Variants in CYGB observed in about 807,000 individuals in gnomAD.
CYGB encodes cytoglobin, also known as histoglobin.
A neutral mutation model predicts 20.7 loss-of-function variants in CYGB; 13 were observed. The observed-to-expected ratio is 0.63, with a 90% confidence interval of 0.41 to 1.00. The LOEUF (loss-of-function observed/expected upper bound fraction) is 1.00, where lower values mean the gene tolerates loss of function less well. CYGB is among the 50% of genes least tolerant of loss of function. The pLI is 0.00. For synonymous variants in CYGB, 93 were observed against 107.4 expected, an observed-to-expected ratio of 0.87 and a Z score of 0.83; for missense variants, 218 against 257.2, an observed-to-expected ratio of 0.85 and a Z score of 1.04.
chr17:76,529,597 T>C, intron 3 of CYGB: 1 of 985,056 alleles, frequency 1.0e-6, no homozygotes, highest in Non-Finnish European at 1.2e-6. Flanking sequence ...TCTTGTGTCC[T>C]GGCTGTAAAC....
At chr17:76,529,969 A>G (rs2074815350) in intron 3 of CYGB, 1 of 985,246 alleles carries the variant, frequency 1.0e-6, no homozygotes. Flanking sequence ...CAGGAAGGGC[A>G]GGAGGCCTGG....
At chr17:76,540,655 G>C, upstream of CYGB, 1 of 1,298,586 alleles carries the variant, frequency 7.7e-7, no homozygotes, top group Non-Finnish European at 1.1e-6. The surrounding 1 kb of genome is among the most constrained non-coding windows in gnomAD (Gnocchi z 5.0). Context: ...GCACGTGTGT[G>C]CCTGTGCGCG....
rs1018852110 is a variant in CYGB, at chr17:76,527,700, C to T, written c.*878G>A. 9 of 453,894 alleles carry T rather than the reference C, an allele frequency of 2.0e-5. No homozygotes were observed. Among genetic ancestry groups the T allele is most frequent in the Middle Eastern group, 6.8e-4 (1 of 1,468 alleles). 28.1% of individuals were successfully genotyped at this position (453,894 alleles called of 1,614,324 possible). On this transcript the variant is annotated 3_prime_UTR_variant, in exon 4 of 4. Coordinates refer to ENST00000293230, the MANE Select transcript of CYGB (RefSeq NM_134268.5). ...CCCGCCGACCTGCTGCCCAGCAGCC[C>T]GGATCCCCCGGGGCTGCCCTGGTGG...
At chr17:76,547,552 C>T (rs897532192) in intron 1 of CYGB, among the ~76,000 whole-genome samples, 24 of 152,078 alleles carry the variant, frequency 1.6e-4, no homozygotes, top group Admixed American at 5.9e-4. Flanking sequence ...TAGTGGGGGA[C>T]TGAGAAAATT....
chr17:76,531,278 T>A lies in CYGB; in HGVS notation c.376-136A>T. ...TCTGGCAGCTTTGGGAACCCCGTGC[T>A]CTCAGGACAAGGGTTGCCCTGGACC... On this transcript the variant is annotated intron_variant, in intron 2 of 3. Coordinates refer to ENST00000293230, the MANE Select transcript of CYGB (RefSeq NM_134268.5). The surrounding 1 kb of genome is among the most constrained non-coding windows in gnomAD (Gnocchi z 7.4). 1.6e-6 allele frequency: 2 copies of A among 1,222,910 alleles called. No individual in the cohort carries two copies. Among genetic ancestry groups the A allele is most frequent in the Non-Finnish European group, 2.3e-6 (2 of 878,528 alleles). The allele number at this position is 1,222,910 out of a possible 1,614,324, so 75.8% of individuals were successfully genotyped here. A position where few individuals can be genotyped will look rare whatever the true frequency, so the allele number is the denominator to read the frequency against.
At chr17:76,549,216 C>T (rs1456281559) in intron 1 of CYGB, among the ~76,000 whole-genome samples, 2 of 152,148 alleles carry the variant, frequency 1.3e-5, no homozygotes, top group Admixed American at 6.5e-5. Flanking sequence ...GACTTGTATC[C>T]GGAATACATA....
rs2074780457 is a variant in CYGB, at chr17:76,527,379, A to G, written c.*1199T>C. On this transcript the variant is annotated 3_prime_UTR_variant, in exon 4 of 4. Coordinates refer to ENST00000293230, the MANE Select transcript of CYGB (RefSeq NM_134268.5). ...GGTACAGCAAGAACGGGTCTGTTTA[A>G]TGACACAGCTGGGTCTGGTTACAAA... 1 of 356,746 alleles carries G rather than the reference A, an allele frequency of 2.8e-6. No individual in the cohort carries two copies. Among genetic ancestry groups the G allele is most frequent in the African/African-American group, 2.1e-5 (1 of 46,622 alleles). The allele number at this position is 356,746 out of a possible 1,614,324, so 22.1% of individuals were successfully genotyped here.
Position 76,546,433 on chromosome 17 carries a change from TTG to T in CYGB, c.-53+4427_-53+4428del, listed in dbSNP as rs1244243307. ...GTACCCACCCATTCCAAGTGTGCGG[TTG>T]TGTGTGTGTGTGGTTTGTGTGTGTG... On this transcript the variant is annotated intron_variant, in intron 1 of 3. Transcript: ENST00000589145. The surrounding 1 kb of genome is among the most constrained non-coding windows in gnomAD (Gnocchi z 4.5). 8.9e-4 allele frequency: 17 copies of T among 19,034 alleles called. No homozygotes were observed. Among genetic ancestry groups the T allele is most frequent in the Non-Finnish European group, 2.5e-3 (13 of 5,176 alleles). 1.2% of individuals were successfully genotyped at this position (19,034 alleles called of 1,614,324 possible).
chr17:76,547,674 CAG>C (rs2075065661), intron 1 of CYGB, among the ~76,000 whole-genome samples: 4 of 151,114 alleles, frequency 2.6e-5, no homozygotes, highest in Admixed American at 2.0e-4. Flanking sequence ...TATTCACACA[CAG>C]AGACACCCAC....
rs552440785 is a variant in CYGB at position 76,537,566 on chromosome 17, C to T, written c.-24G>A. The T allele has an allele frequency of 1.5e-6, 2 of 1,317,978 alleles. No homozygotes were observed. Among genetic ancestry groups the T allele is most frequent in the African/African-American group, 1.5e-5 (1 of 66,482 alleles). The allele number at this position is 1,317,978 out of a possible 1,614,324, so 81.6% of individuals were successfully genotyped here. A position where few individuals can be genotyped will look rare whatever the true frequency, so the allele number is the denominator to read the frequency against. ...ATGAGCAGCTCCAAGCCCAGCCCGG[C>T]TTTGCTCGGCGGCGGCGGTGGCGGG... On this transcript the variant is annotated 5_prime_UTR_variant, in exon 1 of 4. Coordinates refer to ENST00000293230, the MANE Select transcript of CYGB (RefSeq NM_134268.5).
Position 76,528,608 on chromosome 17 carries a change from T to G in CYGB, c.543A>C (p.Pro181=), listed in dbSNP as rs1598199650. 7.8e-7 allele frequency: 1 copy of G among 1,278,938 alleles called. No individual in the cohort carries two copies. Among genetic ancestry groups the G allele is most frequent in the Non-Finnish European group, 1.0e-6 (1 of 1,004,268 alleles). 79.2% of individuals were successfully genotyped at this position (1,278,938 alleles called of 1,614,324 possible). ...WVQQVPNATT[P]PATLPSSGP is the part of the protein sequence containing the mutation. ...GCCCCGAAGAGGGCAGTGTGGCCGG[T>G]GGGCTGTGGACGAGATAGGAAGGGA... Residue 181 remains proline (P), a synonymous_variant, in exon 4 of 4, where the codon CCA becomes CCC. Transcript: ENST00000293230. The surrounding 1 kb of genome is among the most constrained non-coding windows in gnomAD (Gnocchi z 5.8).
At position 76,528,377 on chromosome 17, in the gene CYGB, G is replaced by A. The variant is rs973009695; in HGVS notation, c.*201C>T. The A allele has an allele frequency of 2.8e-5, 12 of 430,958 alleles. No individual in the cohort carries two copies. Among genetic ancestry groups the A allele is most frequent in the African/African-American group, 2.2e-4 (11 of 49,186 alleles). The allele number at this position is 430,958 out of a possible 1,614,324, so 26.7% of individuals were successfully genotyped here. On this transcript the variant is annotated 3_prime_UTR_variant, in exon 4 of 4. Coordinates refer to ENST00000293230, the MANE Select transcript of CYGB (RefSeq NM_134268.5). This position sits in a 1 kb window ranked among gnomAD's most constrained non-coding sequence, Gnocchi z 5.8. ...GGGCCCCGCTCTGCCCGCCGCGCTGGGGTCAGCATCCAGGCAGCCAGCGCC... is the reference window on the plus strand; with the variant it reads ...GGGCCCCGCTCTGCCCGCCGCGCTGAGGTCAGCATCCAGGCAGCCAGCGCC...
At chr17:76,529,452 G>T in intron 3 of CYGB, 1 of 985,466 alleles carries the variant, frequency 1.0e-6, no homozygotes, top group South Asian at 4.7e-5. Flanking sequence ...GGGCAGGGTG[G>T]GGAGGGCAGG....
chr17:76,530,067 G>A lies in CYGB; in HGVS notation c.539+912C>T, dbSNP rs1043406523. On this transcript the variant is annotated intron_variant, in intron 3 of 3. Coordinates refer to ENST00000293230, the MANE Select transcript of CYGB (RefSeq NM_134268.5). The surrounding 1 kb of genome is among the most constrained non-coding windows in gnomAD (Gnocchi z 6.1). ...AGTCTTGGGGGCCCGTGCAGAGCCC[G>A]GCGGGAGACGCCGCCTTTTCCATGG... 7.1e-6 allele frequency: 7 copies of A among 985,238 alleles called. No homozygotes were observed. Among genetic ancestry groups the A allele is most frequent in the African/African-American group, 3.5e-5 (2 of 57,214 alleles). 61.0% of individuals were successfully genotyped at this position (985,238 alleles called of 1,614,324 possible).
At position 76,531,099 on chromosome 17, in the gene CYGB, G is replaced by A; in HGVS notation, c.419C>T (p.Ala140Val). The A allele has an allele frequency of 6.2e-7, 1 of 1,613,654 alleles. No homozygotes were observed. ...CTGCGTCTCAGGTGGGAAGTCACTG[G>A]CAAATTCCTCGGCGACCACCTCCAG... ...VILEVVAEEF[A>V]SDFPPETQRA... Residue 140 changes from alanine (A) to valine (V), a missense_variant, in exon 3 of 4, where the codon GCC (alanine) becomes GTC (valine). Ala to Val is a moderately conservative substitution (Grantham distance 64). Transcript: ENST00000293230. This position sits in a 1 kb window ranked among gnomAD's most constrained non-coding sequence, Gnocchi z 7.4.
upstream of CYGB, among the ~76,000 whole-genome samples, chr17:76,538,837 G>T (rs1354672960): frequency 6.6e-6 from 1 of 152,262 alleles, no homozygotes; most frequent in Non-Finnish European, 1.5e-5. Context: ...TGTCACTCAG[G>T]CTCCCGGCGA....
rs1441460385 is a variant in CYGB, at chr17:76,530,888, G to C, written c.539+91C>G. On this transcript the variant is annotated intron_variant, in intron 3 of 3. Transcript: ENST00000293230. The surrounding 1 kb of genome is among the most constrained non-coding windows in gnomAD (Gnocchi z 6.1). The stretch of plus-strand genomic sequence containing the variant: ...TCAAGTGTGCCTGCCCAGGTGATCA[G>C]CCCCAGGGCCTCAGGAGATATGGGA... 1 of 1,399,286 alleles carries C rather than the reference G, an allele frequency of 7.1e-7. No individual in the cohort carries two copies. Among genetic ancestry groups the C allele is most frequent in the Non-Finnish European group, 9.6e-7 (1 of 1,043,748 alleles). The allele number at this position is 1,399,286 out of a possible 1,614,324, so 86.7% of individuals were successfully genotyped here. A position where few individuals can be genotyped will look rare whatever the true frequency, so the allele number is the denominator to read the frequency against.
At chr17:76,542,331 G>A (rs1330103187), upstream of CYGB, among the ~76,000 whole-genome samples, 1 of 152,178 alleles carries the variant, frequency 6.6e-6, no homozygotes, top group African/African-American at 2.4e-5. Context: ...GTCTGACATC[G>A]AGGAACCACC....
chr17:76,543,772 A>G (rs967614797), intron 1 of CYGB: 2 of 470,410 alleles, frequency 4.3e-6, no homozygotes, highest in Non-Finnish European at 8.8e-6. Flanking sequence ...CCACAGTGGC[A>G]CTCGCTTTTG....
Sources: gnomAD v4.1 joint callset for allele counts (sites outside exome capture counted in the v4.1 genomes callset) on GRCh38, gnomAD v4.1.1 for gene constraint, Gnocchi (gnomAD v3.1) non-coding constraint, MANE v1.5 for transcripts, NCBI Gene and HGNC (gene_info 2026-07-23, HGNC 2026-07-21) for gene names.